Variants in MAML3 observed in about 807,000 individuals in gnomAD.
The protein encoded by MAML3 is mastermind like transcriptional coactivator 3.
MAML3 carries 27 observed loss-of-function variants against 101.9 expected under a neutral mutation model. That is an observed-to-expected ratio of 0.27 (90% CI 0.20 to 0.37). The LOEUF is 0.37. Ranked by LOEUF, MAML3 falls within the 10% of genes least tolerant of loss-of-function variation. The pLI is 1.00. For synonymous variants in MAML3, 501 were observed against 555.9 expected, an observed-to-expected ratio of 0.90 and a Z score of 1.39; for missense variants, 1,316 against 1,444.9, an observed-to-expected ratio of 0.91 and a Z score of 1.45.
At chr4:140,129,688 C>T (rs943741501) in intron 1 of MAML3, among the ~76,000 whole-genome samples, 5 of 152,108 alleles carry the variant, frequency 3.3e-5, no homozygotes, top group Admixed American at 6.5e-5. Flanking sequence ...ACAAAACGGC[C>T]GGGCGCGGTG....
intron 1 of MAML3, among the ~76,000 whole-genome samples, chr4:140,060,891 A>C (rs541041607): frequency 6.6e-6 from 1 of 152,312 alleles, no homozygotes. Context: ...ATGCCATTGG[A>C]TTTCAGTCAC....
intron 1 of MAML3, among the ~76,000 whole-genome samples, chr4:139,927,209 C>A (rs929512180): frequency 3.9e-5 from 6 of 152,076 alleles, no homozygotes; most frequent in Non-Finnish European, 7.4e-5. Flanking sequence ...CAGGCGTGAG[C>A]CACCATACCT....
chr4:140,119,062 G>A (rs1159214492), intron 1 of MAML3, among the ~76,000 whole-genome samples: 1 of 152,128 alleles, frequency 6.6e-6, no homozygotes, highest in Non-Finnish European at 1.5e-5. Context: ...ACATTAACAG[G>A]CAAGGGGTAT....
At chr4:139,873,080 T>G (rs758793402) in intron 2 of MAML3, among the ~76,000 whole-genome samples, 3 of 151,464 alleles carry the variant, frequency 2.0e-5, no homozygotes, top group Non-Finnish European at 2.9e-5. Context: ...AGACTCCATC[T>G]CAAAAAATAA....
intron 2 of MAML3, among the ~76,000 whole-genome samples, chr4:139,839,861 A>AGCAGCTGCTGTGGAGGCT (rs1306874767): frequency 2.0e-5 from 3 of 152,132 alleles, no homozygotes; most frequent in African/African-American, 7.2e-5. Context: ...GGCGAGGGGA[A>AGCAGCTGCTGTGGAGGCT]GCAGCTGCTG....
intron 2 of MAML3, among the ~76,000 whole-genome samples, chr4:139,774,402 T>C (rs1230466077): frequency 6.6e-6 from 1 of 152,220 alleles, no homozygotes; most frequent in Non-Finnish European, 1.5e-5. Flanking sequence ...TGGCACGTAG[T>C]AGGAGTTCAA....
chr4:140,058,564 ATG>A (rs1290501964), intron 1 of MAML3, among the ~76,000 whole-genome samples: 1 of 71,316 alleles, frequency 1.4e-5, no homozygotes, highest in East Asian at 3.6e-4. Context: ...GATATAATAC[ATG>A]TATATATATA....
intron 1 of MAML3, among the ~76,000 whole-genome samples, chr4:140,035,902 C>A (rs1726980074): frequency 1.3e-5 from 2 of 152,192 alleles, no homozygotes; most frequent in South Asian, 4.1e-4. Context: ...ACATTATCTA[C>A]TTTTTGGGTA....
At chr4:139,752,612 C>A (rs1460905419) in intron 2 of MAML3, among the ~76,000 whole-genome samples, 1 of 152,118 alleles carries the variant, frequency 6.6e-6, no homozygotes, top group South Asian at 2.1e-4. Flanking sequence ...AGGCTTGGCA[C>A]AAATACATTC....
At chr4:140,034,301 T>C (rs549097028) in intron 1 of MAML3, among the ~76,000 whole-genome samples, 12 of 152,232 alleles carry the variant, frequency 7.9e-5, no homozygotes, top group Non-Finnish European at 1.5e-4. Context: ...TGATGTGAGA[T>C]AGTCTGGTTG....
intron 3 of MAML3, chr4:139,730,150 AC>A (rs1728642751): frequency 3.7e-6 from 2 of 539,642 alleles, no homozygotes; most frequent in Admixed American, 3.1e-5. Context: ...AAGGAGTCAG[AC>A]TTGAATCAAA....
intron 1 of MAML3, among the ~76,000 whole-genome samples, chr4:139,979,310 T>A (rs1734402642): frequency 6.6e-6 from 1 of 152,204 alleles, no homozygotes; most frequent in South Asian, 2.1e-4. Context: ...CCTCTTTAGC[T>A]CTTTTACATG....
chr4:139,906,608 G>A (rs143840201), intron 1 of MAML3, among the ~76,000 whole-genome samples: 3 of 152,292 alleles, frequency 2.0e-5, no homozygotes, highest in African/African-American at 7.2e-5. Flanking sequence ...AAATCACTTT[G>A]CCTAAAACAG....
intron 2 of MAML3, among the ~76,000 whole-genome samples, chr4:139,762,705 G>C (rs917844775): frequency 6.6e-6 from 1 of 152,108 alleles, no homozygotes; most frequent in African/African-American, 2.4e-5. Flanking sequence ...AGGCTCCATC[G>C]CTACACTCAT....
At chr4:139,821,601 G>A (rs116133068) in intron 2 of MAML3, among the ~76,000 whole-genome samples, 1,531 of 152,272 alleles carry the variant, frequency 0.01, 11 homozygotes, top group African/African-American at 0.021. Context: ...CCCTGCTGTG[G>A]GGCACACCTT....
intron 1 of MAML3, among the ~76,000 whole-genome samples, chr4:140,150,385 C>T (rs1729138301): frequency 6.6e-6 from 1 of 152,144 alleles, no homozygotes; most frequent in African/African-American, 2.4e-5. Flanking sequence ...GCACCCGAGC[C>T]CTCCCTCCAC....
chr4:140,101,163 G>A (rs11100483), intron 1 of MAML3, among the ~76,000 whole-genome samples: 41,379 of 152,036 alleles, frequency 0.27, 6,140 homozygotes, highest in East Asian at 0.49. Flanking sequence ...GCTGAGCCCT[G>A]CTTGAACAAA....
At chr4:139,920,169 A>G (rs1733099790) in intron 1 of MAML3, among the ~76,000 whole-genome samples, 1 of 152,232 alleles carries the variant, frequency 6.6e-6, no homozygotes, top group African/African-American at 2.4e-5. Context: ...GGGAACACAG[A>G]TTTCAATGAC....
intron 2 of MAML3, among the ~76,000 whole-genome samples, chr4:139,787,940 T>C (rs1171554533): frequency 6.6e-6 from 1 of 152,254 alleles, no homozygotes; most frequent in African/African-American, 2.4e-5. Context: ...CTCTCTACTT[T>C]AGGGCTTTTG....
Sources: gnomAD v4.1 joint callset for allele counts (sites outside exome capture counted in the v4.1 genomes callset) on GRCh38, gnomAD v4.1.1 for gene constraint, MANE v1.5 for transcripts, NCBI Gene and HGNC (gene_info 2026-07-23, HGNC 2026-07-21) for gene names.